ABLIM1: variants seen among roughly 807,000 people sequenced by gnomAD.
The protein encoded by ABLIM1 is actin binding LIM protein 1.
ABLIM1 carries 40 observed loss-of-function variants against 107.0 expected under a neutral mutation model. The ratio of observed to expected loss-of-function variants is 0.37; its 90% confidence interval spans 0.29 to 0.49. The LOEUF is 0.49. ABLIM1 is among the 20% of genes least tolerant of loss of function. The pLI is 0.97. For missense variants in ABLIM1, 857 were observed against 1,008.5 expected, an observed-to-expected ratio of 0.85 and a Z score of 2.04; for synonymous variants, 357 against 357.3, an observed-to-expected ratio of 1.00 and a Z score of 0.01.
intron 18 of ABLIM1, among the ~76,000 whole-genome samples, chr10:114,441,373 T>C (rs2060173904): frequency 6.6e-6 from 1 of 152,220 alleles, no homozygotes; most frequent in South Asian, 2.1e-4. Flanking sequence ...GTGAGGAGGA[T>C]GGTTATAACA....
At chr10:114,719,437 CA>C (rs1401470882) in intron 1 of ABLIM1, among the ~76,000 whole-genome samples, 1 of 152,174 alleles carries the variant, frequency 6.6e-6, no homozygotes, top group Non-Finnish European at 1.5e-5. Flanking sequence ...GGCTGGATGC[CA>C]AATCCTATCC....
At chr10:114,628,666 A>G (rs1039236040) in intron 1 of ABLIM1, among the ~76,000 whole-genome samples, 1 of 152,130 alleles carries the variant, frequency 6.6e-6, no homozygotes, top group African/African-American at 2.4e-5. Flanking sequence ...GTAAAATTCT[A>G]TTTACCTTGA....
chr10:114,801,120 T>C, the ABLIM1 span, among the ~76,000 whole-genome samples: 1 of 152,174 alleles, frequency 6.6e-6, no homozygotes, highest in African/African-American at 2.4e-5. Context: ...GGAAATATCA[T>C]TTAGAAAATG....
At chr10:114,475,023 C>T (rs1430316948) in intron 8 of ABLIM1, among the ~76,000 whole-genome samples, 3 of 152,136 alleles carry the variant, frequency 2.0e-5, no homozygotes, top group Non-Finnish European at 2.9e-5. Context: ...TCCATTAAGC[C>T]ACTTTCCTTT....
rs191376914 is a variant in ABLIM1, at chr10:114,582,738, T to G, written c.380-7139A>C. ...TACTACCAGCTAATCTTCAACAAAGTAGACAAAAATAAGCAATGGAGGAAA... is the reference window on the plus strand; with the variant it reads ...TACTACCAGCTAATCTTCAACAAAGGAGACAAAAATAAGCAATGGAGGAAA... On this transcript the variant is annotated intron_variant, in intron 2 of 22. Transcript: ENST00000533213. Among the ~76,000 whole-genome samples the G allele has an allele frequency of 2.2e-4, 33 of 152,034 alleles. No individual in the cohort carries two copies. In the East Asian group the frequency reaches 6.4e-3, roughly 29 times the overall value.
intron 1 of ABLIM1, among the ~76,000 whole-genome samples, chr10:114,735,331 G>A (rs1190699151): frequency 6.6e-6 from 1 of 152,166 alleles, no homozygotes; most frequent in African/African-American, 2.4e-5. Context: ...TAGGCCTCTA[G>A]TGAAATGTCC....
At chr10:114,563,660 C>T (rs1427930116) in intron 4 of ABLIM1, among the ~76,000 whole-genome samples, 2 of 151,092 alleles carry the variant, frequency 1.3e-5, no homozygotes, top group Admixed American at 6.6e-5. Context: ...CACAGTGAAA[C>T]CCTGTCTCTA....
At chr10:114,736,528 TG>T (rs1401866802) in intron 1 of ABLIM1, among the ~76,000 whole-genome samples, 1 of 152,206 alleles carries the variant, frequency 6.6e-6, no homozygotes, top group African/African-American at 2.4e-5. Context: ...GAGATATTTA[TG>T]CTGGGAAAAA....
chr10:114,577,568 C>A (rs915029890), intron 2 of ABLIM1, among the ~76,000 whole-genome samples: 9 of 152,306 alleles, frequency 5.9e-5, no homozygotes, highest in African/African-American at 1.9e-4. Context: ...TTTCTTAGGG[C>A]ACCTGTCTGC....
the ABLIM1 span, among the ~76,000 whole-genome samples, chr10:114,784,273 G>A: frequency 3.0e-4 from 45 of 151,624 alleles, no homozygotes; most frequent in African/African-American, 9.3e-4. Context: ...TTGAACCTGG[G>A]AGGCGGAAGT....
intron 1 of ABLIM1, among the ~76,000 whole-genome samples, chr10:114,727,618 T>C (rs550104187): frequency 8.5e-5 from 13 of 152,256 alleles, no homozygotes; most frequent in African/African-American, 3.1e-4. Flanking sequence ...GTCAAAAAAC[T>C]CAAATCATAA....
chr10:114,615,061 AAAGAAAG>A (rs1304765389), intron 1 of ABLIM1, among the ~76,000 whole-genome samples: 35 of 151,322 alleles, frequency 2.3e-4, no homozygotes, highest in African/African-American at 8.0e-4. Context: ...AAAAAAAAAA[AAAGAAAG>A]AAAGAAAGAA....
At chr10:114,517,969 C>CTT (rs552282561) in intron 6 of ABLIM1, among the ~76,000 whole-genome samples, 1 of 146,654 alleles carries the variant, frequency 6.8e-6, no homozygotes, top group African/African-American at 2.5e-5. Context: ...TACACACATA[C>CTT]TTTTTTTTTT....
At chr10:114,519,123 G>A (rs918798206) in intron 6 of ABLIM1, among the ~76,000 whole-genome samples, 4 of 152,114 alleles carry the variant, frequency 2.6e-5, no homozygotes, top group African/African-American at 9.7e-5. Flanking sequence ...AGTTCAAGAG[G>A]CAGCCTGGGG....
intron 1 of ABLIM1, among the ~76,000 whole-genome samples, chr10:114,700,246 A>T (rs1316631539): frequency 2.0e-4 from 31 of 152,230 alleles, no homozygotes; most frequent in Admixed American, 2.0e-3. Flanking sequence ...AGAGAGAATG[A>T]TCTACATAGA....
At chr10:114,650,744 C>A (rs1201842066) in intron 1 of ABLIM1, among the ~76,000 whole-genome samples, 1 of 152,070 alleles carries the variant, frequency 6.6e-6, no homozygotes, top group African/African-American at 2.4e-5. Flanking sequence ...CAGCTCAAAT[C>A]GCAAATCCTA....
At chr10:114,712,587 A>G (rs1223142135) in intron 1 of ABLIM1, among the ~76,000 whole-genome samples, 1 of 152,180 alleles carries the variant, frequency 6.6e-6, no homozygotes, top group African/African-American at 2.4e-5. Flanking sequence ...AGCTCCCCGA[A>G]GCCATGCTGG....
intron 10 of ABLIM1, among the ~76,000 whole-genome samples, chr10:114,471,522 C>T (rs953716107): frequency 1.3e-5 from 2 of 152,044 alleles, no homozygotes; most frequent in African/African-American, 4.8e-5. Context: ...TGAGAGCGGC[C>T]GCAAGTGCAG....
At chr10:114,785,599 C>A in the ABLIM1 span, among the ~76,000 whole-genome samples, 5 of 151,750 alleles carry the variant, frequency 3.3e-5, no homozygotes. Flanking sequence ...TTACATAATT[C>A]TATATTATTC....
Sources: allele counts gnomAD v4.1 joint callset (sites outside exome capture counted in the v4.1 genomes callset), GRCh38; gene constraint gnomAD v4.1.1; transcripts MANE v1.5; gene names NCBI Gene and HGNC (gene_info 2026-07-23, HGNC 2026-07-21).